The following AFAP1 variants were observed in gnomAD, a reference collection of about 807,000 sequenced individuals.
AFAP1 encodes the protein actin filament associated protein 1, also known as actin filament-associated protein 1.
In AFAP1, 75 loss-of-function variants were observed where a neutral mutation model predicts 93.9. The observed-to-expected ratio is 0.80, with a 90% CI of 0.66 to 0.97. AFAP1 has a LOEUF of 0.97. AFAP1 is among the 50% of genes least tolerant of loss of function. The pLI is 0.00. For synonymous variants in AFAP1, 517 were observed against 430.7 expected, an observed-to-expected ratio of 1.20 and a Z score of -2.48; for missense variants, 1,201 against 1,050.8, an observed-to-expected ratio of 1.14 and a Z score of -1.98.
At chr4:7,839,282 G>A (rs2149107612) in intron 5 of AFAP1, among the ~76,000 whole-genome samples, 1 of 152,116 alleles carries the variant, frequency 6.6e-6, no homozygotes, top group East Asian at 1.9e-4. Context: ...GCTGCAGTGA[G>A]CCATAATACC....
chr4:7,767,942 G>A lies in AFAP1; in HGVS notation c.2418+902C>T, dbSNP rs111705485. Among the ~76,000 whole-genome samples the A allele has an allele frequency of 6.3e-3, 956 of 152,294 alleles. 13 individuals are homozygous for A. Among genetic ancestry groups the A allele is most frequent in the African/African-American group, 0.021 (886 of 41,554 alleles). On this transcript the variant is annotated intron_variant, in intron 17 of 17. Transcript: ENST00000420658. The stretch of plus-strand genomic sequence containing the variant: ...ATACAGTAAGTTAGCTGGGCATAAT[G>A]GTGTACACCTGCAGTCCCAGCTACT...
chr4:7,861,415 A>C (rs1265287903), intron 3 of AFAP1, among the ~76,000 whole-genome samples: 1 of 152,228 alleles, frequency 6.6e-6, no homozygotes, highest in Admixed American at 6.5e-5. Context: ...CAATCCTAAC[A>C]CTAAGAATTC....
At chr4:7,933,313 G>T (rs137919005) in intron 1 of AFAP1, among the ~76,000 whole-genome samples, 1 of 152,122 alleles carries the variant, frequency 6.6e-6, no homozygotes, top group Non-Finnish European at 1.5e-5. Flanking sequence ...GGTGGCTCAC[G>T]CCTGTAATCA....
intron 3 of AFAP1, among the ~76,000 whole-genome samples, chr4:7,861,047 G>A (rs1040440023): frequency 6.6e-6 from 1 of 152,140 alleles, no homozygotes; most frequent in Non-Finnish European, 1.5e-5. Context: ...AATGACGAGA[G>A]CTGATCTTAG....
rs890790844 is a variant in AFAP1, at chr4:7,939,728, G to A, written c.-75C>T. 3 of 412,678 alleles carry A rather than the reference G, an allele frequency of 7.3e-6. No individual in the cohort carries two copies. The highest frequency in any genetic ancestry group is 1.7e-5 in the South Asian group (1 of 60,408). The allele number at this position is 412,678 out of a possible 1,614,324, so 25.6% of individuals were successfully genotyped here. On this transcript the variant is annotated 5_prime_UTR_variant, in exon 1 of 18. Transcript: ENST00000420658. This position sits in a 1 kb window ranked among gnomAD's most constrained non-coding sequence, Gnocchi z 5.6. ...CCGACTGGAGCGCAGCTGAACAGCC[G>A]ACAGAGCCGCAGCCGCCTTAACAAT...
At chr4:7,933,728 G>C (rs1721227826) in intron 1 of AFAP1, among the ~76,000 whole-genome samples, 1 of 152,168 alleles carries the variant, frequency 6.6e-6, no homozygotes, top group Admixed American at 6.5e-5. Context: ...CAGGAGCTGA[G>C]GACAGCCCCC....
chr4:7,793,083 G>A (rs1183025726), intron 11 of AFAP1, among the ~76,000 whole-genome samples: 1 of 152,128 alleles, frequency 6.6e-6, no homozygotes, highest in Non-Finnish European at 1.5e-5. Context: ...ACCAAGAACT[G>A]CTGCTACAAA....
chr4:7,781,403 C>A lies in AFAP1; in HGVS notation c.1755G>T (p.Gly585=). 1 of 1,551,814 alleles carries A rather than the reference C, an allele frequency of 6.4e-7. No individual in the cohort carries two copies. Residue 585 remains glycine, a synonymous_variant, in exon 13 of 18, where the codon GGG becomes GGT. Coordinates refer to ENST00000420658, the MANE Select transcript of AFAP1 (RefSeq NM_001134647.2). The part of the protein sequence containing the change: ...AQSVTNTSSV[G]RASLGLNSQL... ...GCGAGTTGAGCCCGAGAGACGCCCT[C>A]CCCACAGAAGAGGTATTAGTGACAG...
chr4:7,823,534 C>T (rs1488001656), intron 6 of AFAP1, among the ~76,000 whole-genome samples: 4 of 152,174 alleles, frequency 2.6e-5, no homozygotes, highest in Admixed American at 6.5e-5. Context: ...CCTGGCTAAG[C>T]TCCTGGCAGA....
intron 6 of AFAP1, among the ~76,000 whole-genome samples, chr4:7,830,387 G>A (rs897775989): frequency 3.9e-5 from 6 of 152,176 alleles, no homozygotes; most frequent in African/African-American, 1.2e-4. Flanking sequence ...ACGCGAGGCT[G>A]TGGGACATGT....
intron 17 of AFAP1, 71 bp from the exon 18 acceptor site, chr4:7,763,862 C>G (rs2148934668): frequency 6.7e-7 from 1 of 1,486,984 alleles, no homozygotes; most frequent in East Asian, 2.5e-5. Context: ...CGCCACCATC[C>G]ACATTCAACT....
intron 1 of AFAP1, among the ~76,000 whole-genome samples, chr4:7,926,789 T>G (rs556546865): frequency 6.6e-6 from 1 of 152,230 alleles, no homozygotes; most frequent in South Asian, 2.1e-4. Flanking sequence ...CAAGCTGGAG[T>G]GCAGCAGCGC....
intron 1 of AFAP1, among the ~76,000 whole-genome samples, chr4:7,903,572 A>G (rs1198183042): frequency 6.6e-6 from 1 of 152,134 alleles, no homozygotes; most frequent in East Asian, 1.9e-4. Flanking sequence ...CCAGTTACTC[A>G]GGAAGCTGAG....
At chr4:7,864,931 T>C (rs547099427) in intron 3 of AFAP1, among the ~76,000 whole-genome samples, 42 of 152,166 alleles carry the variant, frequency 2.8e-4, no homozygotes, top group Non-Finnish European at 4.1e-4. Flanking sequence ...TGAGCTATGA[T>C]CGTGCCACTG....
rs1161025410 is a variant in AFAP1 at position 7,760,914 on chromosome 4, ATCTGCT to A, written c.*2845_*2850del. 6.6e-6 allele frequency: 1 copy of A among 152,290 alleles called. No individual in the cohort carries two copies. Among genetic ancestry groups the A allele is most frequent in the Non-Finnish European group, 1.5e-5 (1 of 68,064 alleles). The allele number at this position is 152,290 out of a possible 1,614,324, so 9.4% of individuals were successfully genotyped here. A position where few individuals can be genotyped will look rare whatever the true frequency, so the allele number is the denominator to read the frequency against. Reference sequence around the variant, plus strand: ...GTGGCTAGCCCCTGTGAACACGACCATCTGCTAAGTACCAGTGACATTGCGAAGAAA... The same window carrying A: ...GTGGCTAGCCCCTGTGAACACGACCAAAGTACCAGTGACATTGCGAAGAAA... On this transcript the variant is annotated 3_prime_UTR_variant, in exon 18 of 18. Coordinates refer to ENST00000420658, the MANE Select transcript of AFAP1 (RefSeq NM_001134647.2).
chr4:7,862,767 T>C (rs1715881553), intron 3 of AFAP1, among the ~76,000 whole-genome samples: 2 of 152,132 alleles, frequency 1.3e-5, no homozygotes, highest in Non-Finnish European at 2.9e-5. Context: ...TGAAAATATG[T>C]CCAGAAAATG....
At chr4:7,773,185 TCTC>T (rs1341732143) in intron 15 of AFAP1, 175 bp from the exon 16 acceptor site, 11 of 991,358 alleles carry the variant, frequency 1.1e-5, no homozygotes, top group Non-Finnish European at 1.4e-5. Context: ...TCAGAGTCCT[TCTC>T]CTACCATTTC....
intron 5 of AFAP1, 173 bp downstream of exon 5, chr4:7,842,966 C>T (rs566311505): frequency 1.6e-6 from 1 of 643,680 alleles, no homozygotes; most frequent in Non-Finnish European, 2.7e-6. Context: ...CGAGTGCTCC[C>T]TGATGGCATG....
chr4:7,843,543 C>T (rs1713313307), intron 4 of AFAP1, among the ~76,000 whole-genome samples, 193 bp from the exon 5 acceptor site: 1 of 152,180 alleles, frequency 6.6e-6, no homozygotes, highest in South Asian at 2.1e-4. Context: ...AGTGGAAACT[C>T]AATGACAAGG....
Sources: allele counts gnomAD v4.1 joint callset (sites outside exome capture counted in the v4.1 genomes callset), GRCh38; gene constraint gnomAD v4.1.1; non-coding constraint Gnocchi (gnomAD v3.1); transcripts MANE v1.5; gene names NCBI Gene and HGNC (gene_info 2026-07-23, HGNC 2026-07-21).